The following RBM10 variants were observed in gnomAD, a reference collection of about 807,000 sequenced individuals.
RBM10 encodes the protein RNA binding motif protein 10, also known as RNA-binding protein 10.
In RBM10, 1 loss-of-function variant was observed where a neutral mutation model predicts 84.9. That is an observed-to-expected ratio of 0.01 (90% CI 0.00 to 0.06). The LOEUF (loss-of-function observed/expected upper bound fraction) is 0.06. Ranked by LOEUF, RBM10 falls within the 10% of genes least tolerant of loss-of-function variation. The probability of loss-of-function intolerance (pLI) is 1.00; values close to 1 mark genes in which losing one functional copy is unlikely to be tolerated. For missense variants in RBM10, 438 were observed against 839.0 expected (o/e 0.52, Z 5.90); for synonymous variants, 326 against 344.5 (o/e 0.95, Z 0.60).
At chrX:47,158,705 A>G (rs1933387180) in intron 2 of RBM10, among the ~76,000 whole-genome samples, 1 of 111,818 alleles carries the variant, frequency 8.9e-6, no homozygotes, top group Non-Finnish European at 1.9e-5. Flanking sequence ...TCTGGCCTGT[A>G]CAGGTTTTTT....
At position 47,182,056 on chromosome X, in the gene RBM10, C is replaced by T. The variant is rs2147196476; in HGVS notation, c.1785+14C>T. The T allele has an allele frequency of 8.3e-7, 1 of 1,211,485 alleles. No homozygotes were observed. The highest frequency in any genetic ancestry group is 1.1e-6 in the Non-Finnish European group (1 of 895,421). ...CCCAACTCCCAGGTAATAGGGCAGC[C>T]CAGGGAGGGATGGGATCGGGTCAGG... On this transcript the variant is annotated intron_variant, in intron 16 of 23. Coordinates refer to ENST00000377604, the MANE Select transcript of RBM10 (RefSeq NM_005676.5).
intron 2 of RBM10, among the ~76,000 whole-genome samples, chrX:47,154,316 A>G (rs781849604): frequency 1.1e-3 from 118 of 111,904 alleles, no homozygotes; most frequent in African/African-American, 3.6e-3. Flanking sequence ...TTAGATAGCA[A>G]GAGTTCAATA....
intron 2 of RBM10, among the ~76,000 whole-genome samples, chrX:47,166,462 T>TCC (rs1362086686): frequency 9.0e-5 from 10 of 110,847 alleles, no homozygotes; most frequent in Non-Finnish European, 1.7e-4. Flanking sequence ...TTCTCATCTT[T>TCC]CTCTCTCTCT....
At chrX:47,183,806 C>T (rs1935709691) in intron 17 of RBM10, among the ~76,000 whole-genome samples, 1 of 109,615 alleles carries the variant, frequency 9.1e-6, no homozygotes, top group South Asian at 3.9e-4. Context: ...AAGCAATTCT[C>T]CTCCCTCAGC....
chrX:47,158,645 G>GC (rs1399209122), intron 2 of RBM10, among the ~76,000 whole-genome samples: 3 of 111,268 alleles, frequency 2.7e-5, no homozygotes, highest in African/African-American at 6.5e-5. Context: ...TCAGTGATCT[G>GC]CCCCCCTCGG....
At chrX:47,153,260 A>G (rs1932870038) in intron 2 of RBM10, among the ~76,000 whole-genome samples, 1 of 112,214 alleles carries the variant, frequency 8.9e-6, no homozygotes, top group Admixed American at 9.5e-5. Flanking sequence ...TAGTACTTTT[A>G]TTCTATATAA....
chrX:47,171,830 T>G (rs1475668143), intron 4 of RBM10, among the ~76,000 whole-genome samples: 1 of 111,852 alleles, frequency 8.9e-6, no homozygotes, highest in Admixed American at 9.5e-5. Context: ...CCACGAGGCC[T>G]ACCAGAATAA....
intron 5 of RBM10, among the ~76,000 whole-genome samples, chrX:47,173,411 G>A (rs1242191961): frequency 8.9e-6 from 1 of 112,193 alleles, no homozygotes; most frequent in Non-Finnish European, 1.9e-5. Context: ...CGGGGCAGGG[G>A]TGCAGCTCTG....
rs375204000 is a variant in RBM10 at position 47,159,971 on chromosome X, C to G, written c.18-9344C>G. ...TGACCAACATGGAGAAACCCCATCTCTACTAAAAATACAGAATTAGCCAGG... is the reference window on the plus strand; with the variant it reads ...TGACCAACATGGAGAAACCCCATCTGTACTAAAAATACAGAATTAGCCAGG... On this transcript the variant is annotated intron_variant, in intron 2 of 23. Coordinates refer to ENST00000377604, the MANE Select transcript of RBM10 (RefSeq NM_005676.5). Among the ~76,000 whole-genome samples the G allele has an allele frequency of 1.3e-4, 14 of 111,454 alleles. No individual in the cohort carries two copies. The East Asian group carries it at 2.5e-3, about 20-fold the overall frequency.
chrX:47,156,009 A>G (rs1933109974), intron 2 of RBM10, among the ~76,000 whole-genome samples: 1 of 108,549 alleles, frequency 9.2e-6, no homozygotes, highest in African/African-American at 3.4e-5. Context: ...GCGTTTCTCC[A>G]TGTTGCTCAG....
Position 47,173,136 on chromosome X carries a change from C to T in RBM10, c.441C>T (p.Gly147=), listed in dbSNP as rs1934797833. ...PQAATEDDIR[G]QLQSHGVQAR... ...TGTATCTCCCCGTATAGATCCGTGG[C>T]CAGCTGCAGTCGCACGGCGTGCAAG... Residue 147 remains glycine, a synonymous_variant, in exon 5 of 24, where the codon GGC becomes GGT. Coordinates refer to ENST00000377604, the MANE Select transcript of RBM10 (RefSeq NM_005676.5). The T allele has an allele frequency of 3.3e-6, 4 of 1,212,383 alleles. No homozygotes were observed. The highest frequency in any genetic ancestry group is 4.5e-6 in the Non-Finnish European group (4 of 895,638).
chrX:47,171,891 C>T (rs1934703945), intron 4 of RBM10, among the ~76,000 whole-genome samples: 1 of 111,697 alleles, frequency 9.0e-6, no homozygotes, highest in South Asian at 3.7e-4. Context: ...ACTCCGCCGC[C>T]CCTCACCCCC....
intron 2 of RBM10, chrX:47,157,853 C>T (rs1384137135): frequency 6.5e-6 from 2 of 305,489 alleles, no homozygotes; most frequent in African/African-American, 2.8e-5. Context: ...GATCTCAGCT[C>T]GTTGCAACCT....
intron 9 of RBM10, 32 bp downstream of exon 9, chrX:47,179,527 C>T (rs782290173): frequency 8.4e-7 from 1 of 1,183,814 alleles, no homozygotes; most frequent in East Asian, 3.0e-5. Context: ...CCTCTGTGCC[C>T]TAGGGTGTCG....
intron 2 of RBM10, among the ~76,000 whole-genome samples, chrX:47,160,789 G>T (rs1556766559): frequency 2.7e-5 from 3 of 111,508 alleles, no homozygotes. Context: ...TAAGAAGTGA[G>T]GTAAACTTTG....
chrX:47,182,750 G>A (rs1291656807), intron 17 of RBM10, among the ~76,000 whole-genome samples: 1 of 112,836 alleles, frequency 8.9e-6, no homozygotes, highest in Admixed American at 9.4e-5. Flanking sequence ...TGGAGAAAGG[G>A]TGTGACACTG....
intron 7 of RBM10, 136 bp downstream of exon 7, chrX:47,176,722 C>G (rs1935182658): frequency 3.1e-6 from 3 of 982,446 alleles, no homozygotes; most frequent in South Asian, 4.5e-5. Context: ...CTGTCTCTCT[C>G]TCTCTCTCTC....
Position 47,186,580 on chromosome X carries a change from G to A in RBM10, c.2774G>A (p.Arg925His), listed in dbSNP as rs1556782944. 2.5e-6 allele frequency: 3 copies of A among 1,211,722 alleles called. No individual in the cohort carries two copies. The highest frequency in any genetic ancestry group is 1.1e-6 in the Non-Finnish European group (1 of 895,445). The change falls in exon 24 of 24, where the codon CGC becomes CAC. Residue 925 changes from arginine to histidine, a missense_variant. Coordinates refer to ENST00000377604, the MANE Select transcript of RBM10 (RefSeq NM_005676.5). Reference sequence around the variant, plus strand: ...ACACTGCACAAGACAATGGTGACCCGCTTCAACGAGGCCCAGTGAGCAGCT... The same window carrying A: ...ACACTGCACAAGACAATGGTGACCCACTTCAACGAGGCCCAGTGAGCAGCT... ...KETLHKTMVT[R>H]FNEAQ
At chrX:47,155,255 G>A (rs782061828) in intron 2 of RBM10, among the ~76,000 whole-genome samples, 26 of 109,374 alleles carry the variant, frequency 2.4e-4, no homozygotes, top group African/African-American at 7.7e-4. Flanking sequence ...AGTACTTATC[G>A]TATAGCCAAT....
Sources: gnomAD v4.1 joint callset for allele counts (sites outside exome capture counted in the v4.1 genomes callset) on GRCh38, gnomAD v4.1.1 for gene constraint, MANE v1.5 for transcripts, NCBI Gene and HGNC (gene_info 2026-07-23, HGNC 2026-07-21) for gene names.